RTN4R: variants seen among roughly 807,000 people sequenced by gnomAD.
RTN4R encodes reticulon-4 receptor.
In RTN4R, 4 loss-of-function variants were observed where a neutral mutation model predicts 27.7. That is an observed-to-expected ratio of 0.14 (90% confidence interval 0.07 to 0.33). RTN4R has a LOEUF of 0.33. Ranked by LOEUF, RTN4R falls within the 10% of genes least tolerant of loss-of-function variation. The pLI, the probability that RTN4R is intolerant of heterozygous loss-of-function variation, is 1.00. For missense variants in RTN4R, 554 were observed against 671.5 expected (o/e 0.83, Z 1.93); for synonymous variants, 290 against 305.6 (o/e 0.95, Z 0.53).
intron 1 of RTN4R, among the ~76,000 whole-genome samples, chr22:20,254,050 C>T (rs1828850897): frequency 6.6e-6 from 1 of 152,118 alleles, no homozygotes; most frequent in African/African-American, 2.4e-5. Context: ...AGTACCCAGT[C>T]CTCCACTGGG....
intron 1 of RTN4R, chr22:20,243,629 G>C: frequency 2.4e-6 from 1 of 423,780 alleles, no homozygotes; most frequent in South Asian, 1.8e-5. Flanking sequence ...TGTGTCCAGG[G>C]CTTAGGAGGA....
intron 1 of RTN4R, among the ~76,000 whole-genome samples, chr22:20,253,844 TAA>T (rs11333422): frequency 8.1e-5 from 12 of 149,040 alleles, no homozygotes; most frequent in African/African-American, 2.5e-4. Context: ...TCACTAAAAT[TAA>T]AAAAAAAATC....
At chr22:20,244,119 CT>C (rs1642138841) in intron 1 of RTN4R, among the ~76,000 whole-genome samples, 2 of 152,258 alleles carry the variant, frequency 1.3e-5, no homozygotes, top group African/African-American at 4.8e-5. Context: ...GTGAATCCCC[CT>C]GGGAAGGTTA....
intron 1 of RTN4R, among the ~76,000 whole-genome samples, chr22:20,252,940 C>A (rs537743721): frequency 6.6e-6 from 1 of 152,254 alleles, no homozygotes; most frequent in South Asian, 2.1e-4. Flanking sequence ...CCCACCCAGG[C>A]CCCCACCCAG....
chr22:20,263,807 C>T (rs565945734), intron 1 of RTN4R, among the ~76,000 whole-genome samples: 2 of 152,278 alleles, frequency 1.3e-5, no homozygotes, highest in Non-Finnish European at 2.9e-5. Context: ...TTGCCTCCAT[C>T]GGACAGGACA....
At position 20,261,548 on chromosome 22, in the gene RTN4R, G is replaced by A. The variant is rs531688616; in HGVS notation, c.22+6523C>T. On this transcript the variant is annotated intron_variant, in intron 1 of 1. Transcript: ENST00000043402. ...AGGCTCAGAGGGTAGGTGGCTCCCC[G>A]GGGGAAACAGAGCAACCCTTGTGCA... Among the ~76,000 whole-genome samples, 41 of 152,310 alleles carry A rather than the reference G, an allele frequency of 2.7e-4. 1 individual carries two copies. Among genetic ancestry groups the A allele is most frequent in the Middle Eastern group, 6.8e-3 (2 of 294 alleles).
intron 1 of RTN4R, among the ~76,000 whole-genome samples, chr22:20,261,212 T>C (rs548166238): frequency 6.6e-6 from 1 of 152,272 alleles, no homozygotes; most frequent in East Asian, 1.9e-4. Flanking sequence ...GAGTCCAGCC[T>C]GGATCCCCCC....
rs1050598396 is a variant in RTN4R, at chr22:20,255,851, T to C, written c.22+12220A>G. ...CAGCCCCCAGCCTCCTTTCTGACCG[T>C]GCACACGGGCTTCTCTCAGCTGCTA... On this transcript the variant is annotated intron_variant, in intron 1 of 1. Coordinates refer to ENST00000043402, the MANE Select transcript of RTN4R (RefSeq NM_023004.6). This position sits in a 1 kb window ranked among gnomAD's most constrained non-coding sequence, Gnocchi z 4.8. Among the ~76,000 whole-genome samples, 5 of 152,332 alleles carry C rather than the reference T, an allele frequency of 3.3e-5. No individual in the cohort carries two copies. The highest frequency in any genetic ancestry group is 3.3e-4 in the Admixed American group (5 of 15,306).
At chr22:20,244,571 G>T (rs973950450) in intron 1 of RTN4R, among the ~76,000 whole-genome samples, 1 of 152,182 alleles carries the variant, frequency 6.6e-6, no homozygotes. Context: ...GGGTCCGGAG[G>T]CCCCTCCCTG....
Position 20,242,460 on chromosome 22 carries a change from G to A in RTN4R, c.673C>T (p.Leu225Phe), listed in dbSNP as rs1351464381. The part of the protein sequence containing the change: ...AHVHPHAFRD[L>F]GRLMTLYLFA... ...AGATAGAGTGTCATGAGGCGGCCAA[G>A]GTCACGGAAGGCATGCGGGTGCACA... The change falls in exon 2 of 2, where the codon CTT becomes TTT. Residue 225 changes from leucine (L) to phenylalanine (F), a missense_variant. By Grantham distance (22) the Leu-to-Phe change is conservative. Transcript: ENST00000043402. 1 of 1,613,704 alleles carries A rather than the reference G, an allele frequency of 6.2e-7. No homozygotes were observed. Among genetic ancestry groups the A allele is most frequent in the East Asian group, 2.2e-5 (1 of 44,882 alleles).
chr22:20,256,914 T>C (rs527770975), intron 1 of RTN4R, among the ~76,000 whole-genome samples: 9 of 152,318 alleles, frequency 5.9e-5, no homozygotes, highest in Admixed American at 4.6e-4. Flanking sequence ...CCCTCCACCT[T>C]CTGCCCACTG....
intron 1 of RTN4R, among the ~76,000 whole-genome samples, chr22:20,254,739 G>A (rs1014498798): frequency 3.3e-5 from 5 of 152,092 alleles, no homozygotes; most frequent in African/African-American, 1.2e-4. Flanking sequence ...AGGTGGTAAA[G>A]GGAAGTTATG....
chr22:20,250,889 C>T (rs1010300645), intron 1 of RTN4R, among the ~76,000 whole-genome samples: 4 of 151,904 alleles, frequency 2.6e-5, no homozygotes, highest in Non-Finnish European at 4.4e-5. Flanking sequence ...ACAAAGAGAA[C>T]AAAATGGTTG....
At chr22:20,249,213 T>C in intron 1 of RTN4R, 1 of 533,912 alleles carries the variant, frequency 1.9e-6, no homozygotes, top group East Asian at 5.5e-5. Context: ...CAGAGGACAC[T>C]AATGAGCAAG....
Position 20,241,832 on chromosome 22 carries a change from G to A in RTN4R, c.1301C>T (p.Ala434Val), listed in dbSNP as rs113649687. ...RTRSHCRLGQ[A>V]GSGGGGTGDS... is the part of the protein sequence containing the mutation. ...ACCAGTCCCGCCACCCCCGCTGCCT[G>A]CCTGGCCCAGACGGCAGTGGCTGCG... The change falls in exon 2 of 2, where the codon GCA becomes GTA. Residue 434 changes from alanine to valine, a missense_variant. Ala to Val is a moderately conservative substitution (Grantham distance 64). Around this residue, in one of 2 missense-constraint regions of RTN4R, gnomAD observed 141 missense variants for 129.2 expected, o/e 1.09. Coordinates refer to ENST00000043402, the MANE Select transcript of RTN4R (RefSeq NM_023004.6). 6.2e-7 allele frequency: 1 copy of A among 1,603,642 alleles called. No homozygotes were observed. The highest frequency in any genetic ancestry group is 1.1e-5 in the South Asian group (1 of 89,930).
At position 20,257,186 on chromosome 22, in the gene RTN4R, A is replaced by T. The variant is rs1193511537; in HGVS notation, c.22+10885T>A. Among the ~76,000 whole-genome samples the T allele has an allele frequency of 2.0e-5, 3 of 152,360 alleles. No homozygotes were observed. The East Asian group carries it at 5.8e-4, about 29-fold the overall frequency. ...AGAGAGCCTTGGCCCACAGCCCATG[A>T]GGCAACGGATGTTCCTGGGTTGGGG... On this transcript the variant is annotated intron_variant, in intron 1 of 1. Transcript: ENST00000043402.
At chr22:20,264,815 A>G (rs8143104) in intron 1 of RTN4R, among the ~76,000 whole-genome samples, 2,550 of 152,296 alleles carry the variant, frequency 0.017, 66 homozygotes, top group African/African-American at 0.058. Flanking sequence ...GGTCAGGCAG[A>G]CCAGCCTGGG....
At chr22:20,265,029 C>T (rs1247838468) in intron 1 of RTN4R, among the ~76,000 whole-genome samples, 1 of 152,224 alleles carries the variant, frequency 6.6e-6, no homozygotes, top group Non-Finnish European at 1.5e-5. Context: ...GGTGCACAGA[C>T]CAAGGCTCCC....
intron 1 of RTN4R, chr22:20,243,514 C>T (rs1327512804): frequency 2.0e-6 from 1 of 492,898 alleles, no homozygotes; most frequent in South Asian, 1.5e-5. Context: ...GTGGGGGTTC[C>T]ACCCACAGGG....
Sources: gnomAD v4.1 joint callset for allele counts (sites outside exome capture counted in the v4.1 genomes callset) on GRCh38, gnomAD v4.1.1 for gene constraint, gnomAD v4.1.1 regional missense constraint, Gnocchi (gnomAD v3.1) non-coding constraint, MANE v1.5 for transcripts, NCBI Gene and HGNC (gene_info 2026-07-23, HGNC 2026-07-21) for gene names.